The following ALDH1A2 variants were observed in gnomAD, a reference collection of about 807,000 sequenced individuals.
ALDH1A2 encodes the protein aldehyde dehydrogenase 1 family member A2, also known as retinal dehydrogenase 2.
ALDH1A2 carries 27 observed loss-of-function variants against 60.3 expected under a neutral mutation model. The ratio of observed to expected loss-of-function variants is 0.45; its 90% CI spans 0.33 to 0.62. ALDH1A2 has a LOEUF of 0.62. Among genes scored for constraint, ALDH1A2 ranks in the 20% least tolerant of loss-of-function variants. The pLI is 0.02. For missense variants in ALDH1A2, 581 were observed against 643.8 expected, an observed-to-expected ratio of 0.90 and a Z score of 1.06; for synonymous variants, 289 against 232.4, an observed-to-expected ratio of 1.24 and a Z score of -2.21.
chr15:57,969,944 A>G (rs1361199779), intron 7 of ALDH1A2, among the ~76,000 whole-genome samples: 1 of 152,134 alleles, frequency 6.6e-6, no homozygotes, highest in Non-Finnish European at 1.5e-5. Context: ...CTTCTAATGA[A>G]TCTTCAATTT....
chr15:58,039,786 G>A (rs1476558796), intron 1 of ALDH1A2, among the ~76,000 whole-genome samples: 1 of 151,712 alleles, frequency 6.6e-6, no homozygotes, highest in Non-Finnish European at 1.5e-5. Flanking sequence ...GAGAAAAGAA[G>A]AGAACAAAAA....
chr15:57,961,961 G>A (rs752965137), intron 10 of ALDH1A2, 51 bp downstream of exon 10: 1 of 1,607,974 alleles, frequency 6.2e-7, no homozygotes, highest in Non-Finnish European at 8.5e-7. Flanking sequence ...AAATGCTCTA[G>A]AAATGATCCC....
At chr15:57,970,782 T>A (rs1894037527) in intron 7 of ALDH1A2, among the ~76,000 whole-genome samples, 1 of 152,210 alleles carries the variant, frequency 6.6e-6, no homozygotes, top group South Asian at 2.1e-4. Flanking sequence ...TAGTTAAAGA[T>A]GCCTGTGTCT....
chr15:57,982,556 G>T (rs1394906952), intron 7 of ALDH1A2, among the ~76,000 whole-genome samples: 3 of 152,142 alleles, frequency 2.0e-5, no homozygotes, highest in Admixed American at 6.6e-5. Flanking sequence ...AACTCAGGCT[G>T]AACTACATTA....
At chr15:58,059,030 T>G (rs1896961089) in intron 1 of ALDH1A2, among the ~76,000 whole-genome samples, 1 of 152,182 alleles carries the variant, frequency 6.6e-6, no homozygotes, top group Non-Finnish European at 1.5e-5. Context: ...AACAGAGACT[T>G]GTTGTAAATA....
chr15:58,023,976 T>G (rs996963187), intron 1 of ALDH1A2, among the ~76,000 whole-genome samples: 7 of 152,002 alleles, frequency 4.6e-5, no homozygotes, highest in African/African-American at 1.7e-4. Flanking sequence ...GCCTGTAATC[T>G]CAGCTACTGG....
At chr15:57,971,097 C>G (rs76212899) in intron 7 of ALDH1A2, among the ~76,000 whole-genome samples, 1,545 of 152,304 alleles carry the variant, frequency 0.01, 21 homozygotes, top group Non-Finnish European at 0.011. Flanking sequence ...CACTATGTTT[C>G]CAGCCTTCTG....
At chr15:58,000,513 T>C (rs1405687681) in intron 4 of ALDH1A2, among the ~76,000 whole-genome samples, 3 of 152,030 alleles carry the variant, frequency 2.0e-5, no homozygotes, top group Non-Finnish European at 4.4e-5. Flanking sequence ...AACTCACCTG[T>C]TAGAAATATG....
intron 7 of ALDH1A2, among the ~76,000 whole-genome samples, chr15:57,985,548 T>TA (rs1287763199): frequency 6.6e-6 from 1 of 152,248 alleles, no homozygotes; most frequent in East Asian, 1.9e-4. Context: ...AGCTATGAAG[T>TA]AAAAAATAGT....
At chr15:57,967,193 A>C (rs1893925907) in intron 7 of ALDH1A2, among the ~76,000 whole-genome samples, 1 of 146,426 alleles carries the variant, frequency 6.8e-6, no homozygotes, top group African/African-American at 2.6e-5. Flanking sequence ...TTTTTTAACC[A>C]GTTCTGTCAC....
chr15:57,983,612 T>C (rs953613420), intron 7 of ALDH1A2, among the ~76,000 whole-genome samples: 1 of 152,246 alleles, frequency 6.6e-6, no homozygotes, highest in East Asian at 1.9e-4. Flanking sequence ...TACAGATACA[T>C]TTGAAAATTA....
At chr15:57,975,581 G>A (rs12594082) in intron 7 of ALDH1A2, among the ~76,000 whole-genome samples, 69,531 of 151,910 alleles carry the variant, frequency 0.46, 16,436 homozygotes, top group Non-Finnish European at 0.53. Context: ...AAGTTTTGGG[G>A]GCATTCCAGA....
At chr15:58,055,776 T>A (rs1411855579) in intron 1 of ALDH1A2, among the ~76,000 whole-genome samples, 1 of 152,084 alleles carries the variant, frequency 6.6e-6, no homozygotes, top group East Asian at 1.9e-4. Flanking sequence ...GAACTTAAGT[T>A]AAAATGTTAA....
chr15:58,036,017 T>TA (rs1165874712), intron 1 of ALDH1A2, among the ~76,000 whole-genome samples: 3 of 151,692 alleles, frequency 2.0e-5, no homozygotes, highest in African/African-American at 7.2e-5. Flanking sequence ...ATCAATACAT[T>TA]AAAAAATAAT....
At position 57,962,147 on chromosome 15, in the gene ALDH1A2, C is replaced by G; in HGVS notation, c.1116G>C (p.Leu372Phe). The G allele has an allele frequency of 6.2e-7, 1 of 1,614,152 alleles. No individual in the cohort carries two copies. The highest frequency in any genetic ancestry group is 8.5e-7 in the Non-Finnish European group (1 of 1,180,010). The change falls in exon 10 of 13, where the codon TTG becomes TTC. Residue 372 changes from leucine to phenylalanine, a missense_variant. Physicochemically the swap from Leu to Phe is conservative, Grantham distance 22. Around this residue, in one of 2 missense-constraint regions of ALDH1A2, gnomAD observed 375 missense variants for 469.7 expected, o/e 0.80. Coordinates refer to ENST00000249750, the MANE Select transcript of ALDH1A2 (RefSeq NM_003888.4). ...QIDKKQYNKI[L>F]ELIQSGVAEG... ...CAGCCACACCACTCTGGATGAGTTC[C>G]AAGATCTTGTTGTACTGTTTCTTAT...
intron 1 of ALDH1A2, among the ~76,000 whole-genome samples, chr15:58,063,846 C>T (rs1398215644): frequency 1.3e-5 from 2 of 152,008 alleles, no homozygotes; most frequent in African/African-American, 2.4e-5. Context: ...ATAAAAGTTC[C>T]CCGAGCTAAA....
At chr15:58,008,676 T>A (rs1297136884) in intron 4 of ALDH1A2, among the ~76,000 whole-genome samples, 2 of 152,244 alleles carry the variant, frequency 1.3e-5, no homozygotes, top group East Asian at 1.9e-4. Context: ...TGAAACATAT[T>A]TGTTGTTTTA....
intron 1 of ALDH1A2, among the ~76,000 whole-genome samples, chr15:58,027,632 A>G (rs1385294399): frequency 6.6e-6 from 1 of 152,182 alleles, no homozygotes; most frequent in Non-Finnish European, 1.5e-5. Context: ...AACCCATCAC[A>G]AGAAATCTAA....
intron 1 of ALDH1A2, among the ~76,000 whole-genome samples, chr15:58,059,018 C>G (rs1321947104): frequency 6.6e-6 from 1 of 152,016 alleles, no homozygotes; most frequent in Non-Finnish European, 1.5e-5. Flanking sequence ...ATCATGTGAT[C>G]CAACAGAGAC....
Sources: allele counts gnomAD v4.1 joint callset (sites outside exome capture counted in the v4.1 genomes callset), GRCh38; gene constraint gnomAD v4.1.1; regional missense constraint gnomAD v4.1.1; transcripts MANE v1.5; gene names NCBI Gene and HGNC (gene_info 2026-07-23, HGNC 2026-07-21).